The following ARHGAP24 variants were observed in gnomAD, a reference collection of about 807,000 sequenced individuals.
ARHGAP24 encodes Rho GTPase activating protein 24, also known as rho GTPase-activating protein 24.
A neutral mutation model predicts 76.4 loss-of-function variants in ARHGAP24; 50 were observed. The observed-to-expected ratio is 0.65, with a 90% CI of 0.52 to 0.83. The LOEUF (loss-of-function observed/expected upper bound fraction) is 0.83. Ranked by LOEUF, ARHGAP24 falls within the 40% of genes least tolerant of loss-of-function variation. The pLI is 0.00. For synonymous variants in ARHGAP24, 345 were observed against 323.3 expected (o/e 1.07, Z -0.72); for missense variants, 930 against 914.2 (o/e 1.02, Z -0.22).
At chr4:85,685,519 G>A (rs1331743973) in intron 2 of ARHGAP24, among the ~76,000 whole-genome samples, 1 of 152,050 alleles carries the variant, frequency 6.6e-6, no homozygotes, top group Non-Finnish European at 1.5e-5. Context: ...TGTAGTCCCA[G>A]CTACTCAGGA....
At chr4:85,687,875 G>A (rs373090956) in intron 2 of ARHGAP24, among the ~76,000 whole-genome samples, 18 of 151,742 alleles carry the variant, frequency 1.2e-4, no homozygotes, top group African/African-American at 4.1e-4. Context: ...GCAGTGGTAC[G>A]ATCTTGGCTC....
chr4:85,947,942 G>A (rs568128532), intron 5 of ARHGAP24, among the ~76,000 whole-genome samples: 1 of 152,190 alleles, frequency 6.6e-6, no homozygotes, highest in Non-Finnish European at 1.5e-5. Flanking sequence ...TTTACAAAAA[G>A]TATTACAAAT....
Position 85,923,662 on chromosome 4 carries a change from C to A in ARHGAP24, c.283C>A (p.Arg95=), listed in dbSNP as rs1578392741. Residue 95 remains arginine (R), a synonymous_variant, in exon 4 of 10, where the codon CGG becomes AGG. Coordinates refer to ENST00000395184, the MANE Select transcript of ARHGAP24 (RefSeq NM_001025616.3). The part of the protein sequence containing the change: ...FEVVPGGDRD[R]MTANHESYLL... ...TGTTTTCACAGGAGGCGATCGAGAT[C>A]GGATGACAGCAAATCATGAAAGCTA... The A allele has an allele frequency of 6.2e-7, 1 of 1,613,706 alleles. No homozygotes were observed. The highest frequency in any genetic ancestry group is 1.3e-5 in the African/African-American group (1 of 74,996).
At chr4:85,862,181 T>C (rs1413488004) in intron 3 of ARHGAP24, among the ~76,000 whole-genome samples, 1 of 151,958 alleles carries the variant, frequency 6.6e-6, no homozygotes, top group Non-Finnish European at 1.5e-5. Flanking sequence ...CCAAATTAAA[T>C]TTAAAGGATT....
At chr4:85,500,966 C>T (rs780794634) in intron 1 of ARHGAP24, among the ~76,000 whole-genome samples, 6 of 150,954 alleles carry the variant, frequency 4.0e-5, no homozygotes, top group Non-Finnish European at 5.9e-5. Flanking sequence ...TGAGAACATG[C>T]GGTGTTTGGT....
rs75590570 is a variant in ARHGAP24, at chr4:85,731,727, A to G, written c.268+9755A>G. ...TTTGCGTTAATATATTATCATGTCA[A>G]ATAGCTAGATGGAGGATATTGAATG... On this transcript the variant is annotated intron_variant, in intron 3 of 9. Transcript: ENST00000395184. Among the ~76,000 whole-genome samples the G allele has an allele frequency of 2.5e-3, 378 of 152,330 alleles. 2 individuals are homozygous for G. The highest frequency in any genetic ancestry group is 8.7e-3 in the African/African-American group (362 of 41,580).
At chr4:85,946,750 A>G (rs1465259849) in intron 5 of ARHGAP24, among the ~76,000 whole-genome samples, 1 of 152,184 alleles carries the variant, frequency 6.6e-6, no homozygotes, top group Non-Finnish European at 1.5e-5. Context: ...ACTTGGGTTG[A>G]TTTCATGTCT....
chr4:85,652,037 A>G (rs1346504795), intron 2 of ARHGAP24, among the ~76,000 whole-genome samples: 3 of 152,164 alleles, frequency 2.0e-5, no homozygotes, highest in Non-Finnish European at 2.9e-5. Flanking sequence ...AAAATGGTCT[A>G]TTGTTTTGTT....
intron 1 of ARHGAP24, among the ~76,000 whole-genome samples, chr4:85,516,031 A>T (rs1341428901): frequency 6.6e-6 from 1 of 152,122 alleles, no homozygotes; most frequent in Non-Finnish European, 1.5e-5. Flanking sequence ...AGAAAAAAAA[A>T]ATTCCCAGCC....
At chr4:85,790,894 C>T (rs1338596780) in intron 3 of ARHGAP24, among the ~76,000 whole-genome samples, 5 of 152,110 alleles carry the variant, frequency 3.3e-5, no homozygotes, top group Non-Finnish European at 7.4e-5. Flanking sequence ...TGTTTTCAGC[C>T]AAGTTTAGTG....
intron 2 of ARHGAP24, among the ~76,000 whole-genome samples, chr4:85,646,526 G>T (rs1326885527): frequency 6.6e-6 from 1 of 151,916 alleles, no homozygotes; most frequent in Non-Finnish European, 1.5e-5. Flanking sequence ...TCAACTTAGA[G>T]CCACAATCTA....
At chr4:85,842,260 C>G (rs554162849) in intron 3 of ARHGAP24, among the ~76,000 whole-genome samples, 1 of 152,090 alleles carries the variant, frequency 6.6e-6, no homozygotes, top group South Asian at 2.1e-4. Flanking sequence ...AAATCCTACT[C>G]TCTCTCTCAA....
chr4:85,623,456 A>T (rs1720799754), intron 2 of ARHGAP24, among the ~76,000 whole-genome samples: 2 of 152,146 alleles, frequency 1.3e-5, no homozygotes, highest in African/African-American at 4.8e-5. Context: ...ATTGGTCTAT[A>T]TCTCTGTTTT....
At chr4:85,802,008 G>C (rs1165101708) in intron 3 of ARHGAP24, among the ~76,000 whole-genome samples, 2 of 152,220 alleles carry the variant, frequency 1.3e-5, no homozygotes, top group Non-Finnish European at 2.9e-5. Flanking sequence ...CCTGGACTCT[G>C]AAGAATGTGC....
intron 3 of ARHGAP24, among the ~76,000 whole-genome samples, chr4:85,821,076 A>G (rs904090201): frequency 4.6e-5 from 7 of 152,136 alleles, no homozygotes; most frequent in African/African-American, 1.7e-4. Context: ...GAAATAATAA[A>G]TAAAAAATGT....
chr4:85,862,216 G>T (rs967249975), intron 3 of ARHGAP24, among the ~76,000 whole-genome samples: 2 of 151,972 alleles, frequency 1.3e-5, no homozygotes, highest in Non-Finnish European at 2.9e-5. Context: ...AATGATTCGT[G>T]AATCAGGCAG....
At chr4:85,687,775 T>A (rs1298281401) in intron 2 of ARHGAP24, among the ~76,000 whole-genome samples, 1 of 152,138 alleles carries the variant, frequency 6.6e-6, no homozygotes, top group Non-Finnish European at 1.5e-5. Context: ...TTTGGGTATA[T>A]GCCCAGTAAT....
chr4:85,879,964 A>T (rs1195195502), intron 3 of ARHGAP24, among the ~76,000 whole-genome samples: 18 of 152,122 alleles, frequency 1.2e-4, no homozygotes, highest in African/African-American at 4.3e-4. Flanking sequence ...TTACACTCCT[A>T]TGAGAATCTA....
At chr4:85,940,849 C>T (rs568934881) in intron 4 of ARHGAP24, among the ~76,000 whole-genome samples, 2 of 152,162 alleles carry the variant, frequency 1.3e-5, no homozygotes, top group Non-Finnish European at 2.9e-5. Context: ...GTTATTGTTT[C>T]TACCTGAGCT....
Sources: allele counts gnomAD v4.1 joint callset (sites outside exome capture counted in the v4.1 genomes callset), GRCh38; gene constraint gnomAD v4.1.1; transcripts MANE v1.5; gene names NCBI Gene and HGNC (gene_info 2026-07-23, HGNC 2026-07-21).